Variants in CXXC1 observed in about 807,000 individuals in gnomAD.
CXXC1 encodes the protein CXXC-type zinc finger protein 1.
A neutral mutation model predicts 83.6 loss-of-function variants in CXXC1; 21 were observed. The ratio of observed to expected loss-of-function variants is 0.25; its 90% CI spans 0.18 to 0.36. CXXC1 has a LOEUF of 0.36. Ranked by LOEUF, CXXC1 falls within the 10% of genes least tolerant of loss-of-function variation. The probability of loss-of-function intolerance (pLI) is 1.00; values close to 1 mark genes in which losing one functional copy is unlikely to be tolerated. For missense variants in CXXC1, 688 were observed against 919.5 expected, an observed-to-expected ratio of 0.75 and a Z score of 3.26; for synonymous variants, 371 against 337.5, an observed-to-expected ratio of 1.10 and a Z score of -1.09.
At chr18:50,283,110 TGAGGAGGCATGGAA>T (rs2040598114) in intron 13 of CXXC1, 104 bp from the exon 14 acceptor site, 1 of 1,376,392 alleles carries the variant, frequency 7.3e-7, no homozygotes, top group Non-Finnish European at 1.0e-6. Flanking sequence ...CAGGGAACGG[TGAGGAGGCATGGAA>T]AAGGAGGAAT....
Position 50,286,754 on chromosome 18 carries a change from G to C in CXXC1, c.108C>G (p.Ile36Met), listed in dbSNP as rs2149300176. 1 of 1,613,902 alleles carries C rather than the reference G, an allele frequency of 6.2e-7. No individual in the cohort carries two copies. Among genetic ancestry groups the C allele is most frequent in the East Asian group, 2.2e-5 (1 of 44,874 alleles). Residue 36 changes from isoleucine (I) to methionine (M), a missense_variant, in exon 2 of 15, where the codon ATC (isoleucine) becomes ATG (methionine). This residue lies in a region of CXXC1 where 3 missense variants were observed against 22.1 expected (regional missense o/e 0.14). Coordinates refer to ENST00000285106, the MANE Select transcript of CXXC1 (RefSeq NM_014593.4). ...PIYCICRKPD[I>M]NCFMIGCDNC... ...CCCGCGCTCACATCATGAAGCAGTTGATGTCCGGTTTGCGGCAGATGCAGT... is the reference window on the plus strand; with the variant it reads ...CCCGCGCTCACATCATGAAGCAGTTCATGTCCGGTTTGCGGCAGATGCAGT...
In CXXC1 at chr18:50,283,952, T is replaced by A; in HGVS notation, c.1355A>T (p.His452Leu). The change falls in exon 10 of 15, where the codon CAT (histidine) becomes CTT (leucine). Residue 452 changes from histidine to leucine, a missense_variant. His to Leu is a moderately conservative substitution (Grantham distance 99). This residue lies in a region of CXXC1 where 100 missense variants were observed against 142.5 expected (regional missense o/e 0.70). Transcript: ENST00000285106. ...ACGTAGAATGATGGCCTCAAGCTCA[T>A]GGAATCGGCGTTCCATTTCCTGAAG... ...TRLQEMERRFHELEAIILRAK... is the reference protein window; with the variant it reads ...TRLQEMERRFLELEAIILRAK... 1 of 1,613,962 alleles carries A rather than the reference T, an allele frequency of 6.2e-7. No individual in the cohort carries two copies. Among genetic ancestry groups the A allele is most frequent in the Non-Finnish European group, 8.5e-7 (1 of 1,180,004 alleles).
In CXXC1 at chr18:50,282,746, A is replaced by C; in HGVS notation, c.1825-7T>G. ...GCTCGTCCAGCTTGTACCACTGCCAAGGGAGCGGCAGGAGTCCTAAGCAGG... is the reference window on the plus strand; with the variant it reads ...GCTCGTCCAGCTTGTACCACTGCCACGGGAGCGGCAGGAGTCCTAAGCAGG... On this transcript the variant is annotated splice_polypyrimidine_tract_variant and splice_region_variant and intron_variant, in intron 14 of 14. Coordinates refer to ENST00000285106, the MANE Select transcript of CXXC1 (RefSeq NM_014593.4). This position sits in a 1 kb window ranked among gnomAD's most constrained non-coding sequence, Gnocchi z 5.8. The C allele has an allele frequency of 2.5e-6, 4 of 1,613,810 alleles. No homozygotes were observed. The highest frequency in any genetic ancestry group is 3.4e-6 in the Non-Finnish European group (4 of 1,179,880).
chr18:50,282,363 T>C lies in CXXC1; in HGVS notation c.*230A>G. On this transcript the variant is annotated 3_prime_UTR_variant, in exon 15 of 15. Transcript: ENST00000285106. The surrounding 1 kb of genome is among the most constrained non-coding windows in gnomAD (Gnocchi z 5.8). ...ACAGCTTCCTTGGTTTCTTCAAAAT[T>C]TTATTAACAAAACCCAGGGAGAGGA... is the stretch of plus-strand genomic sequence containing the variant. The C allele has an allele frequency of 1.7e-6, 1 of 575,982 alleles. No homozygotes were observed. Among genetic ancestry groups the C allele is most frequent in the East Asian group, 2.9e-5 (1 of 34,756 alleles). 35.7% of individuals were successfully genotyped at this position (575,982 alleles called of 1,614,324 possible).
intron 3 of CXXC1, 100 bp from the exon 4 acceptor site, chr18:50,286,357 C>T: frequency 8.4e-7 from 1 of 1,195,426 alleles, no homozygotes; most frequent in South Asian, 1.4e-5. Context: ...GACCCACCCA[C>T]CTACTCTGCA....
rs753223111 is a variant in CXXC1 at position 50,286,202 on chromosome 18, A to G, written c.279T>C (p.Asp93=). The G allele has an allele frequency of 3.7e-6, 6 of 1,613,130 alleles. No homozygotes were observed. The South Asian group carries it at 6.6e-5, about 18-fold the overall frequency. Residue 93 remains aspartate, a synonymous_variant, in exon 4 of 15, where the codon GAT becomes GAC. Transcript: ENST00000285106. Reference sequence around the variant, plus strand: ...GCTCACTGCTGTCCCGCTCATTGCCATCCCGCTCCCGTGACTTCTTGTGCC... The same window carrying G: ...GCTCACTGCTGTCCCGCTCATTGCCGTCCCGCTCCCGTGACTTCTTGTGCC... ...RYRHKKSRER[D]GNERDSSEPR...
In CXXC1 at chr18:50,287,621, C is replaced by A; in HGVS notation, c.-32G>T. The A allele has an allele frequency of 6.2e-7, 1 of 1,609,608 alleles. No individual in the cohort carries two copies. ...GCTCCCGGCGCACTCCCTCACGACCCCCGCCAGCGACCCGCGAACCTGCAC... is the reference window on the plus strand; with the variant it reads ...GCTCCCGGCGCACTCCCTCACGACCACCGCCAGCGACCCGCGAACCTGCAC... On this transcript the variant is annotated 5_prime_UTR_variant, in exon 1 of 15. Transcript: ENST00000285106.
intron 13 of CXXC1, 39 bp from the exon 14 acceptor site, chr18:50,283,045 T>G (rs768363879): frequency 6.2e-7 from 1 of 1,607,704 alleles, no homozygotes; most frequent in Admixed American, 1.7e-5. Context: ...ATAGCGGTGA[T>G]AAGGGAGAAT....
chr18:50,284,521 G>C lies in CXXC1; in HGVS notation c.1062C>G (p.His354Gln). The C allele has an allele frequency of 6.2e-7, 1 of 1,601,090 alleles. No individual in the cohort carries two copies. The highest frequency in any genetic ancestry group is 8.5e-7 in the Non-Finnish European group (1 of 1,172,864). The change falls in exon 9 of 15, where the codon CAC becomes CAG. Residue 354 changes from histidine to glutamine, a missense_variant. Transcript: ENST00000285106. ...RYKRHRQKQKHKDKWKHPERA... is the reference protein window; with the variant it reads ...RYKRHRQKQKQKDKWKHPERA... ...TCTCTGGGTGTTTCCATTTATCCTT[G>C]TGCTTCTGCTTCTGCCGATGCCGCT...
intron 1 of CXXC1, chr18:50,287,297 C>T: frequency 1.9e-6 from 1 of 537,106 alleles, no homozygotes; most frequent in South Asian, 2.3e-5. Flanking sequence ...CTACAGACCA[C>T]TCAATGTGAC....
Position 50,285,659 on chromosome 18 carries a change from C to T in CXXC1, c.639+90G>A. The T allele has an allele frequency of 6.7e-7, 1 of 1,490,738 alleles. No individual in the cohort carries two copies. Among genetic ancestry groups the T allele is most frequent in the Non-Finnish European group, 9.1e-7 (1 of 1,096,494 alleles). 92.3% of individuals were successfully genotyped at this position (1,490,738 alleles called of 1,614,324 possible). On this transcript the variant is annotated intron_variant, in intron 5 of 14. Coordinates refer to ENST00000285106, the MANE Select transcript of CXXC1 (RefSeq NM_014593.4). This position sits in a 1 kb window ranked among gnomAD's most constrained non-coding sequence, Gnocchi z 4.4. ...CAGGATACAGTCAGGCCCAATCCCA[C>T]CTGGTTTATCCATGCCTAGACTTAA...
At chr18:50,287,114 G>A in intron 1 of CXXC1, 1 of 543,732 alleles carries the variant, frequency 1.8e-6, no homozygotes. Context: ...AATGGGTCAT[G>A]GCGACCCTCC....
chr18:50,282,948 C>G lies in CXXC1; in HGVS notation c.1730G>C (p.Gly577Ala). 2 of 1,614,184 alleles carry G rather than the reference C, an allele frequency of 1.2e-6. No individual in the cohort carries two copies. Among genetic ancestry groups the G allele is most frequent in the Non-Finnish European group, 1.7e-6 (2 of 1,180,038 alleles). ...GCGCTTGGGCAGGCGGCAGAAGTCA[C>G]CCGTGAGCTCAAAGACATCACGTAC... The part of the protein sequence containing the change: ...PLVRDVFELT[G>A]DFCRLPKRQC... The change falls in exon 14 of 15, where the codon GGT becomes GCT. Residue 577 changes from glycine (G) to alanine (A), a missense_variant. Coordinates refer to ENST00000285106, the MANE Select transcript of CXXC1 (RefSeq NM_014593.4). The surrounding 1 kb of genome is among the most constrained non-coding windows in gnomAD (Gnocchi z 5.8).
chr18:50,283,996 C>T lies in CXXC1; in HGVS notation c.1311G>A (p.Gln437=). The T allele has an allele frequency of 6.2e-7, 1 of 1,613,340 alleles. No homozygotes were observed. Among genetic ancestry groups the T allele is most frequent in the East Asian group, 2.2e-5 (1 of 44,866 alleles). ...CCTGAAGGCGAGTGCGGGCACTCTG[C>T]TGCTCTCGGCGAATGCGTTCGAGCA... The part of the protein sequence containing the change: ...KKLLERIRRE[Q]QSARTRLQEM... The change falls in exon 10 of 15, where the codon CAG becomes CAA. Residue 437 remains glutamine, a synonymous_variant. Transcript: ENST00000285106.
intron 12 of CXXC1, 28 bp downstream of exon 12, chr18:50,283,487 C>A: frequency 6.2e-7 from 1 of 1,613,606 alleles, no homozygotes; most frequent in South Asian, 1.1e-5. Flanking sequence ...TAACCCCCCA[C>A]CTCTCACTGC....
rs775030390 is a variant in CXXC1 at position 50,282,786 on chromosome 18, C to T, written c.1825-47G>A. 8 of 1,611,820 alleles carry T rather than the reference C, an allele frequency of 5.0e-6. No individual in the cohort carries two copies. Among genetic ancestry groups the T allele is most frequent in the East Asian group, 2.2e-5 (1 of 44,828 alleles). ...TCCTAAGCAGGAACACCTGCAGCCC[C>T]GCCTGCCCCGGCCACGTCCGACATG... On this transcript the variant is annotated intron_variant, in intron 14 of 14. Transcript: ENST00000285106. The surrounding 1 kb of genome is among the most constrained non-coding windows in gnomAD (Gnocchi z 5.8).
At position 50,284,428 on chromosome 18, in the gene CXXC1, C is replaced by G. The variant is rs2040679796; in HGVS notation, c.1155G>C (p.Gln385His). The G allele has an allele frequency of 6.3e-7, 1 of 1,586,646 alleles. No homozygotes were observed. Among genetic ancestry groups the G allele is most frequent in the African/African-American group, 1.4e-5 (1 of 73,784 alleles). ...CATCTGAGCAATACTTGGAGCTGGG[C>G]TGGGCGGGGCGCACACAGCCGGGCC... Reference protein sequence around the residue: ...CLGPGCVRPAQPSSKYCSDDC... With the variant: ...CLGPGCVRPAHPSSKYCSDDC... Residue 385 changes from glutamine (Q) to histidine (H), a missense_variant, in exon 9 of 15, where the codon CAG becomes CAC. Gln to His is a conservative substitution (Grantham distance 24). Around this residue, in one of 9 missense-constraint regions of CXXC1, gnomAD observed 100 missense variants for 142.5 expected, o/e 0.70. Coordinates refer to ENST00000285106, the MANE Select transcript of CXXC1 (RefSeq NM_014593.4).
intron 8 of CXXC1, 41 bp from the exon 9 acceptor site, chr18:50,284,603 C>T (rs988823478): frequency 1.9e-6 from 3 of 1,583,134 alleles, no homozygotes; most frequent in Non-Finnish European, 2.6e-6. Flanking sequence ...GAGTCAAAGT[C>T]AGCCCCAGAC....
At chr18:50,283,672 A>C (rs369609808) in intron 11 of CXXC1, 33 bp downstream of exon 11, 9 of 1,610,680 alleles carry the variant, frequency 5.6e-6, no homozygotes, top group Non-Finnish European at 7.6e-6. Context: ...TGATGTTCCC[A>C]CATGGTCCGC....
Sources: allele counts gnomAD v4.1 joint callset, GRCh38; gene constraint gnomAD v4.1.1; regional missense constraint gnomAD v4.1.1; non-coding constraint Gnocchi (gnomAD v3.1); transcripts MANE v1.5; gene names NCBI Gene and HGNC (gene_info 2026-07-23, HGNC 2026-07-21).